Variants in DFFA observed in about 807,000 individuals in gnomAD.
DFFA encodes the protein DFF45.
In DFFA, 14 loss-of-function variants were observed where a neutral mutation model predicts 28.0. The observed-to-expected ratio is 0.50, with a 90% CI of 0.33 to 0.78. DFFA has a LOEUF of 0.78. DFFA is among the 30% of genes least tolerant of loss of function. The pLI is 0.02. For missense variants in DFFA, 395 were observed against 407.1 expected, an observed-to-expected ratio of 0.97 and a Z score of 0.26; for synonymous variants, 158 against 170.3, an observed-to-expected ratio of 0.93 and a Z score of 0.56.
chr1:10,468,276 C>T (rs1263161961), intron 2 of DFFA, among the ~76,000 whole-genome samples: 1 of 151,822 alleles, frequency 6.6e-6, no homozygotes, highest in Admixed American at 6.6e-5. Context: ...TAACTATGTG[C>T]CAGGTAAGAT....
chr1:10,467,126 A>G, intron 3 of DFFA, 64 bp downstream of exon 3: 1 of 1,586,458 alleles, frequency 6.3e-7, no homozygotes, highest in Non-Finnish European at 8.6e-7. Flanking sequence ...GGAAGCTAAG[A>G]AGGTGCTGGG....
Sources: allele counts gnomAD v4.1 joint callset (sites outside exome capture counted in the v4.1 genomes callset), GRCh38; gene constraint gnomAD v4.1.1; transcripts MANE v1.5; gene names NCBI Gene and HGNC (gene_info 2026-07-23, HGNC 2026-07-21).